Variants in NDE1 observed in about 807,000 individuals in gnomAD.
NDE1 encodes nuclear distribution protein nudE homolog 1.
Under a neutral mutation model 43.4 loss-of-function variants are expected in NDE1, and 28 were observed. The observed-to-expected ratio is 0.65, with a 90% CI of 0.48 to 0.89. The LOEUF (loss-of-function observed/expected upper bound fraction) is 0.89. Ranked by LOEUF, NDE1 falls within the 40% of genes least tolerant of loss-of-function variation. NDE1 has a pLI of 0.00. For missense variants in NDE1, 441 were observed against 434.1 expected, an observed-to-expected ratio of 1.02 and a Z score of -0.14; for synonymous variants, 184 against 172.0, an observed-to-expected ratio of 1.07 and a Z score of -0.55.
At chr16:15,710,704 CAG>C (rs919662260) in intron 8 of NDE1, among the ~76,000 whole-genome samples, 4 of 150,690 alleles carry the variant, frequency 2.7e-5, no homozygotes, top group African/African-American at 9.8e-5. Flanking sequence ...TTTTTGGAGA[CAG>C]AGTCTTGCTC....
chr16:15,722,254 G>C (rs116345628), intron 8 of NDE1, among the ~76,000 whole-genome samples: 5,723 of 152,258 alleles, frequency 0.038, 163 homozygotes, highest in South Asian at 0.068. Context: ...CTAGTTATTA[G>C]TTTGTTTCAT....
At chr16:15,654,229 A>C (rs2036642871) in intron 1 of NDE1, among the ~76,000 whole-genome samples, 1 of 152,118 alleles carries the variant, frequency 6.6e-6, no homozygotes, top group Non-Finnish European at 1.5e-5. Context: ...TGTGGGGTGC[A>C]TTTTTAAGAT....
chr16:15,694,345 C>T (rs1228503939), intron 7 of NDE1, 89 bp downstream of exon 7: 1 of 1,552,048 alleles, frequency 6.4e-7, no homozygotes, highest in East Asian at 2.4e-5. Flanking sequence ...TCCCTCTCTT[C>T]TTTTTTTCTT....
intron 3 of NDE1, among the ~76,000 whole-genome samples, chr16:15,671,625 C>G (rs886532488): frequency 6.6e-6 from 1 of 152,172 alleles, no homozygotes; most frequent in Non-Finnish European, 1.5e-5. Flanking sequence ...TGGCCCACTT[C>G]ACCCATTTGT....
Position 15,667,634 on chromosome 16 carries a change from T to G in NDE1, c.237+195T>G, listed in dbSNP as rs796598460. 0.062 allele frequency among the ~76,000 whole-genome samples: 8,292 copies of G among 133,286 alleles called. 445 individuals are homozygous for G. Among genetic ancestry groups the G allele is most frequent in the East Asian group, 0.11 (540 of 4,980 alleles). The allele number at this position is 133,286 out of a possible 152,430, so 87.4% of individuals were successfully genotyped here. On this transcript the variant is annotated intron_variant, in intron 3 of 8. Coordinates refer to ENST00000396354, the MANE Select transcript of NDE1 (RefSeq NM_017668.3). ...TAGTGGGTGGTGCTTTTTGTTTTGT[T>G]TTTTTTTTTTTTTTGAGATGGAGTT...
At chr16:15,672,960 C>G (rs950977702) in intron 3 of NDE1, among the ~76,000 whole-genome samples, 1 of 152,146 alleles carries the variant, frequency 6.6e-6, no homozygotes, top group African/African-American at 2.4e-5. Context: ...CCCTCCTCAT[C>G]CTTCCAACGC....
intron 3 of NDE1, among the ~76,000 whole-genome samples, chr16:15,667,725 A>G (rs950906531): frequency 8.8e-5 from 12 of 137,076 alleles, no homozygotes; most frequent in African/African-American, 3.4e-4. Context: ...TCCACCTCCC[A>G]GGTTCAAGTA....
intron 2 of NDE1, 92 bp from the exon 3 acceptor site, chr16:15,667,194 C>T (rs1371541613): frequency 1.1e-5 from 16 of 1,426,908 alleles, no homozygotes; most frequent in Admixed American, 5.0e-5. Flanking sequence ...TGCAGTGAGA[C>T]GAGATTGCAG....
intron 8 of NDE1, chr16:15,712,823 G>C (rs1242390248): frequency 6.6e-6 from 1 of 150,902 alleles, no homozygotes; most frequent in Non-Finnish European, 1.5e-5. Context: ...GTCACCCATG[G>C]GAGGCTTCTG....
intron 8 of NDE1, chr16:15,717,985 C>T (rs2040255137): frequency 2.4e-6 from 1 of 424,128 alleles, no homozygotes; most frequent in Non-Finnish European, 4.4e-6. Context: ...ACCAAGGGCT[C>T]ACTGGATAAG....
chr16:15,715,850 G>C (rs1033940901), intron 8 of NDE1, among the ~76,000 whole-genome samples: 3 of 152,268 alleles, frequency 2.0e-5, no homozygotes, highest in Admixed American at 6.5e-5. Context: ...CTCTGGCCAG[G>C]CGTGGTGGCT....
intron 2 of NDE1, among the ~76,000 whole-genome samples, chr16:15,666,230 C>T (rs759576272): frequency 1.1e-4 from 16 of 151,716 alleles, no homozygotes; most frequent in African/African-American, 1.7e-4. Context: ...TGTGTGTGTG[C>T]GTTTGGTTTG....
intron 5 of NDE1, 142 bp downstream of exon 5, chr16:15,687,653 G>A (rs550357085): frequency 6.3e-5 from 52 of 828,328 alleles, no homozygotes; most frequent in African/African-American, 4.0e-4. Flanking sequence ...AGAGGGTGTC[G>A]GACTGCACTG....
At chr16:15,644,737 C>G (rs1433317838) in intron 1 of NDE1, among the ~76,000 whole-genome samples, 1 of 152,068 alleles carries the variant, frequency 6.6e-6, no homozygotes, top group Non-Finnish European at 1.5e-5. Flanking sequence ...AAGTACCAAA[C>G]AAATACGCTA....
At chr16:15,681,064 C>T (rs2038148981) in intron 4 of NDE1, among the ~76,000 whole-genome samples, 1 of 148,730 alleles carries the variant, frequency 6.7e-6, no homozygotes, top group Admixed American at 6.8e-5. Context: ...GGGAAGTCTC[C>T]TTGGTTCTTG....
At chr16:15,676,324 G>T (rs559949674) in intron 3 of NDE1, among the ~76,000 whole-genome samples, 6 of 145,912 alleles carry the variant, frequency 4.1e-5, no homozygotes, top group African/African-American at 1.5e-4. Flanking sequence ...ATTCTCCCGC[G>T]TCAGCCTTCT....
chr16:15,717,115 G>T (rs768226021), intron 8 of NDE1: 1 of 1,612,654 alleles, frequency 6.2e-7, no homozygotes, highest in South Asian at 1.1e-5. Context: ...CTGCAAACTG[G>T]GTTCGGAACT....
intron 3 of NDE1, among the ~76,000 whole-genome samples, chr16:15,675,968 C>CT (rs2073563839): frequency 6.6e-6 from 1 of 152,114 alleles, no homozygotes; most frequent in Non-Finnish European, 1.5e-5. Flanking sequence ...AATGAGACAA[C>CT]ATAGGTGGTG....
chr16:15,662,034 T>C (rs550912930), intron 1 of NDE1, among the ~76,000 whole-genome samples: 23 of 151,832 alleles, frequency 1.5e-4, no homozygotes, highest in Non-Finnish European at 2.8e-4. Context: ...CCTGGACTCA[T>C]GTGATCCTCC....
Sources: gnomAD v4.1 joint callset for allele counts (sites outside exome capture counted in the v4.1 genomes callset) on GRCh38, gnomAD v4.1.1 for gene constraint, MANE v1.5 for transcripts, NCBI Gene and HGNC (gene_info 2026-07-23, HGNC 2026-07-21) for gene names.